ASIC2: variants seen among roughly 807,000 people sequenced by gnomAD.
ASIC2 encodes the protein acid sensing ion channel subunit 2.
A neutral mutation model predicts 57.3 loss-of-function variants in ASIC2; 25 were observed. That is an observed-to-expected ratio of 0.44 (90% confidence interval 0.32 to 0.61). ASIC2 has a LOEUF of 0.61. ASIC2 is among the 20% of genes least tolerant of loss of function. ASIC2 has a pLI of 0.06. For synonymous variants in ASIC2, 319 were observed against 307.5 expected (o/e 1.04, Z -0.39); for missense variants, 641 against 738.1 (o/e 0.87, Z 1.52).
At chr17:33,586,153 C>T (rs925985551) in intron 1 of ASIC2, among the ~76,000 whole-genome samples, 1 of 152,126 alleles carries the variant, frequency 6.6e-6, no homozygotes, top group South Asian at 2.1e-4. Flanking sequence ...CTCTTGGCTC[C>T]TGGCGCAAAG....
chr17:33,887,674 T>C (rs1914860873), intron 1 of ASIC2, among the ~76,000 whole-genome samples: 1 of 152,098 alleles, frequency 6.6e-6, no homozygotes, highest in African/African-American at 2.4e-5. Context: ...GATGAGGAGT[T>C]CTTGTTAGGA....
At chr17:33,324,507 G>C (rs961214868) in intron 1 of ASIC2, among the ~76,000 whole-genome samples, 3 of 152,036 alleles carry the variant, frequency 2.0e-5, no homozygotes, top group Non-Finnish European at 2.9e-5. Flanking sequence ...AATATGAGGA[G>C]GCATTGTATT....
At chr17:33,167,822 C>T (rs918627991) in intron 1 of ASIC2, among the ~76,000 whole-genome samples, 4 of 150,722 alleles carry the variant, frequency 2.7e-5, no homozygotes, top group African/African-American at 9.7e-5. Context: ...AAGGCCAACC[C>T]ATCCTTTGGG....
At chr17:33,064,110 C>G (rs1474406857) in intron 3 of ASIC2, among the ~76,000 whole-genome samples, 3 of 152,158 alleles carry the variant, frequency 2.0e-5, no homozygotes, top group Non-Finnish European at 2.9e-5. Flanking sequence ...TTCACACTTC[C>G]TCCTTTAGCT....
intron 1 of ASIC2, among the ~76,000 whole-genome samples, chr17:33,690,834 C>A (rs1402236695): frequency 6.7e-6 from 1 of 148,818 alleles, no homozygotes; most frequent in Non-Finnish European, 1.5e-5. Context: ...ACTGCAAGCT[C>A]CACCTCCCAG....
intron 6 of ASIC2, 84 bp from the exon 7 acceptor site, chr17:33,021,394 G>C: frequency 8.5e-7 from 1 of 1,172,518 alleles, no homozygotes; most frequent in Non-Finnish European, 1.2e-6. Flanking sequence ...CCCATGGAAA[G>C]ATGGAGAAAA....
At chr17:34,005,110 G>A (rs1252083749) in intron 1 of ASIC2, 1 of 152,106 alleles carries the variant, frequency 6.6e-6, no homozygotes, top group Admixed American at 6.6e-5. Context: ...ATAGCCCACT[G>A]CTTGCCCTTG....
At position 33,204,438 on chromosome 17, in the gene ASIC2, C is replaced by T. The variant is rs559281963; in HGVS notation, c.708+86970G>A. ...CACCCCCGGGAGTCAGGCAGGGAGA[C>T]AGCCTGTTGTGGATATTTGTTGTGT... On this transcript the variant is annotated intron_variant, in intron 1 of 9. Coordinates refer to ENST00000225823, the MANE Select transcript of ASIC2 (RefSeq NM_183377.2). Among the ~76,000 whole-genome samples, 7 of 152,306 alleles carry T rather than the reference C, an allele frequency of 4.6e-5. No individual in the cohort carries two copies. In the South Asian group the frequency reaches 8.3e-4, roughly 18 times the overall value.
In ASIC2 at chr17:33,753,763, G is replaced by A. The variant is rs920358818; in HGVS notation, c.555+402215C>T. Reference sequence around the variant, plus strand: ...GGTTTGAAGTATGGCTACTGGGATTGGCCAAGACTCAGCTATTGTTACAGG... The same window carrying A: ...GGTTTGAAGTATGGCTACTGGGATTAGCCAAGACTCAGCTATTGTTACAGG... On this transcript the variant is annotated intron_variant, in intron 1 of 9. Transcript: ENST00000359872. Among the ~76,000 whole-genome samples the A allele has an allele frequency of 4.6e-5, 7 of 152,190 alleles. No homozygotes were observed. In the East Asian group the frequency reaches 5.8e-4, roughly 13 times the overall value.
intron 1 of ASIC2, among the ~76,000 whole-genome samples, chr17:33,688,165 C>T (rs1294179052): frequency 2.0e-5 from 3 of 152,134 alleles, no homozygotes; most frequent in African/African-American, 7.2e-5. Flanking sequence ...AGCCTGCTGG[C>T]CTCTTAGTTC....
At chr17:34,106,745 T>C (rs939086699) in intron 1 of ASIC2, among the ~76,000 whole-genome samples, 1 of 152,204 alleles carries the variant, frequency 6.6e-6, no homozygotes, top group Non-Finnish European at 1.5e-5. Flanking sequence ...CCCTGTGACA[T>C]CCTCCCACCA....
chr17:33,119,273 C>G (rs1301353150), intron 1 of ASIC2, among the ~76,000 whole-genome samples: 1 of 152,182 alleles, frequency 6.6e-6, no homozygotes, highest in East Asian at 1.9e-4. Flanking sequence ...TCCAAAATGC[C>G]TCTAAAACTT....
intron 1 of ASIC2, among the ~76,000 whole-genome samples, chr17:33,825,672 T>G (rs1226203425): frequency 6.6e-6 from 1 of 152,176 alleles, no homozygotes; most frequent in Non-Finnish European, 1.5e-5. Flanking sequence ...AATGGGTTTT[T>G]CTAAAATTCA....
At chr17:33,994,860 A>G (rs1414907340) in intron 1 of ASIC2, among the ~76,000 whole-genome samples, 1 of 152,172 alleles carries the variant, frequency 6.6e-6, no homozygotes, top group Non-Finnish European at 1.5e-5. Context: ...TGACCCAAGT[A>G]TTCTGAAGGA....
At chr17:33,915,318 C>A (rs1275760237) in intron 1 of ASIC2, among the ~76,000 whole-genome samples, 1 of 152,176 alleles carries the variant, frequency 6.6e-6, no homozygotes, top group Non-Finnish European at 1.5e-5. Context: ...TGTCCTTCCC[C>A]CATCTCAGAA....
At chr17:34,109,522 T>TA (rs199709633) in intron 1 of ASIC2, among the ~76,000 whole-genome samples, 47 of 149,988 alleles carry the variant, frequency 3.1e-4, no homozygotes, top group South Asian at 1.3e-3. Flanking sequence ...CTGATATGGG[T>TA]AAAAAAAAAA....
At chr17:33,749,842 A>C (rs1910375557) in intron 1 of ASIC2, among the ~76,000 whole-genome samples, 1 of 152,120 alleles carries the variant, frequency 6.6e-6, no homozygotes, top group African/African-American at 2.4e-5. Context: ...GGTTATTGGC[A>C]GGTACAGGAT....
intron 1 of ASIC2, chr17:33,936,920 A>T (rs1241788800): frequency 1.3e-5 from 2 of 152,236 alleles, no homozygotes; most frequent in Non-Finnish European, 2.9e-5. Context: ...CTGTGCGTAC[A>T]GTGCCTGGGA....
chr17:33,260,118 A>C (rs1211808828), intron 1 of ASIC2, among the ~76,000 whole-genome samples: 2 of 152,198 alleles, frequency 1.3e-5, no homozygotes. Context: ...CAGCCTGGGC[A>C]GCAAAGTGAG....
Sources: gnomAD v4.1 joint callset for allele counts (sites outside exome capture counted in the v4.1 genomes callset) on GRCh38, gnomAD v4.1.1 for gene constraint, MANE v1.5 for transcripts, NCBI Gene and HGNC (gene_info 2026-07-23, HGNC 2026-07-21) for gene names.